TPR: variants seen among roughly 807,000 people sequenced by gnomAD.
TPR encodes the protein nucleoprotein TPR.
Under a neutral mutation model 316.1 loss-of-function variants are expected in TPR, and 51 were observed. The observed-to-expected ratio is 0.16, with a 90% CI of 0.13 to 0.20. The LOEUF is 0.20. Among genes scored for constraint, TPR ranks in the 10% least tolerant of loss-of-function variants. The pLI, the probability that TPR is intolerant of heterozygous loss-of-function variation, is 1.00. For missense variants in TPR, 2,272 were observed against 2,754.8 expected (o/e 0.82, Z 3.92); for synonymous variants, 981 against 914.7 (o/e 1.07, Z -1.31).
rs1300861626 is a variant in TPR at position 186,334,389 on chromosome 1, A to G, written c.5118T>C (p.Val1706=). Residue 1706 remains valine, a synonymous_variant, in exon 36 of 51, where the codon GTT becomes GTC. Transcript: ENST00000367478. ...CTGTTGGGGTAGTAGTGGGATTTGTAACAGTTGCAGGTGTAACCATTGGGC... is the reference window on the plus strand; with the variant it reads ...CTGTTGGGGTAGTAGTGGGATTTGTGACAGTTGCAGGTGTAACCATTGGGC... ...SIRPMVTPAT[V]TNPTTTPTAT... The G allele has an allele frequency of 1.2e-6, 2 of 1,613,554 alleles. No individual in the cohort carries two copies. Among genetic ancestry groups the G allele is most frequent in the South Asian group, 1.1e-5 (1 of 91,070 alleles).
chr1:186,342,532 T>G (rs1658540757), intron 27 of TPR: 1 of 152,230 alleles, frequency 6.6e-6, no homozygotes, highest in Non-Finnish European at 1.5e-5. Context: ...TGAGATACAT[T>G]TGAATTAAAC....
chr1:186,362,875 G>A lies in TPR; in HGVS notation c.658C>T (p.Leu220=), dbSNP rs1659237544. 4 of 1,604,460 alleles carry A rather than the reference G, an allele frequency of 2.5e-6. No individual in the cohort carries two copies. In the Admixed American group the frequency reaches 5.3e-5, roughly 21 times the overall value. The change falls in exon 6 of 51, where the codon CTA becomes TTA. Residue 220 remains leucine, a synonymous_variant. Coordinates refer to ENST00000367478, the MANE Select transcript of TPR (RefSeq NM_003292.3). The part of the protein sequence containing the change: ...ALGREKGNEI[L]ELKCNLENKK... ...TTTTCAAGATTACATTTAAGCTCTAGAATCTCATTCCCTTTTTCTCTTCCA... is the reference window on the plus strand; with the variant it reads ...TTTTCAAGATTACATTTAAGCTCTAAAATCTCATTCCCTTTTTCTCTTCCA...
At chr1:186,354,092 C>A (rs1399908479) in intron 17 of TPR, 2 of 367,192 alleles carry the variant, frequency 5.4e-6, no homozygotes, top group Non-Finnish European at 9.7e-6. Context: ...CCTCAAACAG[C>A]ATGCTTATGT....
Position 186,352,025 on chromosome 1 carries a change from G to C in TPR, c.2420C>G (p.Ala807Gly), listed in dbSNP as rs1658876996. The change falls in exon 19 of 51, where the codon GCT becomes GGT. Residue 807 changes from alanine (A) to glycine (G), a missense_variant. Physicochemically the swap from Ala to Gly is moderately conservative, Grantham distance 60 (BLOSUM62 0). This residue lies in a region of TPR where 757 missense variants were observed against 859.8 expected (regional missense o/e 0.88). Coordinates refer to ENST00000367478, the MANE Select transcript of TPR (RefSeq NM_003292.3). ...RLSQQRESLL[A>G]EQRGQNLLLT... is the part of the protein sequence containing the mutation. ...CAGTAAGTTTTGCCCCCTTTGTTCA[G>C]CTAACAAAGACTCTCTTTGCTGAGA... is the stretch of plus-strand genomic sequence containing the variant. The C allele has an allele frequency of 6.2e-7, 1 of 1,609,372 alleles. No individual in the cohort carries two copies. The highest frequency in any genetic ancestry group is 1.7e-4 in the Middle Eastern group (1 of 6,054).
At chr1:186,339,300 C>T (rs910356956) in intron 30 of TPR, among the ~76,000 whole-genome samples, 21 of 151,790 alleles carry the variant, frequency 1.4e-4, no homozygotes, top group Non-Finnish European at 2.6e-4. Context: ...GTAATAAAAC[C>T]CACTTCCCTT....
intron 46 of TPR, among the ~76,000 whole-genome samples, chr1:186,319,627 A>G (rs182974549): frequency 6.6e-6 from 1 of 152,298 alleles, no homozygotes; most frequent in African/African-American, 2.4e-5. Flanking sequence ...AAACAAGCAG[A>G]TGTTACATTA....
intron 18 of TPR, among the ~76,000 whole-genome samples, chr1:186,353,355 G>C (rs1158079036): frequency 1.3e-4 from 19 of 150,342 alleles, no homozygotes; most frequent in Admixed American, 1.1e-3. Context: ...CTGGGCGACA[G>C]AGTGAGACTC....
At chr1:186,372,878 A>G (rs1197724291) in intron 2 of TPR, among the ~76,000 whole-genome samples, 1 of 152,216 alleles carries the variant, frequency 6.6e-6, no homozygotes, top group Admixed American at 6.5e-5. Context: ...AGATTCATAG[A>G]TATTTATAAA....
At chr1:186,371,688 T>C (rs530381932) in intron 2 of TPR, among the ~76,000 whole-genome samples, 6 of 152,328 alleles carry the variant, frequency 3.9e-5, no homozygotes, top group Admixed American at 3.9e-4. Context: ...AAAATACATA[T>C]GTTGGCAATT....
intron 21 of TPR, 63 bp downstream of exon 21, chr1:186,350,160 A>T (rs1040856617): frequency 7.2e-7 from 1 of 1,381,088 alleles, no homozygotes. Flanking sequence ...CTGACAGGAT[A>T]TATTATAATC....
intron 2 of TPR, among the ~76,000 whole-genome samples, chr1:186,371,935 TC>T (rs2101994640): frequency 6.6e-6 from 1 of 152,270 alleles, no homozygotes; most frequent in East Asian, 1.9e-4. Flanking sequence ...TTTTCTCTTC[TC>T]CCAGATCTCG....
chr1:186,335,350 T>C lies in TPR; in HGVS notation c.4899A>G (p.Glu1633=), dbSNP rs1369009023. 1 of 1,613,428 alleles carries C rather than the reference T, an allele frequency of 6.2e-7. No homozygotes were observed. Among genetic ancestry groups the C allele is most frequent in the East Asian group, 2.2e-5 (1 of 44,870 alleles). ...ATTAGCTAATCACCTTATTAGAAGG[T>C]TCTTGAGGCTCATCTCTCTGCTCAA... is the stretch of plus-strand genomic sequence containing the variant. ...RHLEQRDEPQ[E]PSNKVPEQQR... Residue 1633 remains glutamate (E), a synonymous_variant, in exon 34 of 51, where the codon GAA becomes GAG. Coordinates refer to ENST00000367478, the MANE Select transcript of TPR (RefSeq NM_003292.3).
intron 24 of TPR, among the ~76,000 whole-genome samples, chr1:186,345,176 T>C (rs1286050142): frequency 1.3e-5 from 2 of 152,198 alleles, no homozygotes; most frequent in African/African-American, 2.4e-5. Context: ...AAATAGTATA[T>C]AGATATCTGC....
intron 49 of TPR, among the ~76,000 whole-genome samples, chr1:186,315,214 A>C (rs1657567497): frequency 6.8e-6 from 1 of 148,026 alleles, no homozygotes; most frequent in Non-Finnish European, 1.5e-5. Flanking sequence ...CTCAAAAAAA[A>C]AACAAACAAA....
In TPR at chr1:186,357,492, A is replaced by G. The variant is rs748588059; in HGVS notation, c.1629T>C (p.Ile543=). The change falls in exon 14 of 51, where the codon ATT becomes ATC. Residue 543 remains isoleucine, a synonymous_variant. Coordinates refer to ENST00000367478, the MANE Select transcript of TPR (RefSeq NM_003292.3). ...ISQHLVSYRN[I]EELQQQNQRL... ...GTTGATTTTGTTGTTGAAGCTCTTC[A>G]ATATTTCTGTAAGATACTAGATGCT... is the stretch of plus-strand genomic sequence containing the variant. The G allele has an allele frequency of 8.7e-6, 14 of 1,613,972 alleles. No individual in the cohort carries two copies. In the African/African-American group the frequency reaches 1.7e-4, roughly 20 times the overall value.
chr1:186,336,186 C>A (rs973339879), intron 33 of TPR, among the ~76,000 whole-genome samples: 2 of 152,036 alleles, frequency 1.3e-5, no homozygotes, highest in East Asian at 3.9e-4. Context: ...CTAGACAGCA[C>A]GGTCTGGGCT....
intron 31 of TPR, among the ~76,000 whole-genome samples, chr1:186,337,457 T>C (rs1049295961): frequency 3.3e-5 from 5 of 152,096 alleles, no homozygotes; most frequent in African/African-American, 9.7e-5. Flanking sequence ...AATATAAGCA[T>C]ATAATATTAT....
At chr1:186,320,234 T>TC (rs1657740487) in intron 46 of TPR, 78 bp downstream of exon 46, 3 of 1,209,778 alleles carry the variant, frequency 2.5e-6, no homozygotes, top group Non-Finnish European at 3.4e-6. Context: ...TTGCTCTTTT[T>TC]CCCCCCTTAA....
intron 40 of TPR, among the ~76,000 whole-genome samples, chr1:186,327,080 AATATATAAC>A (rs1657971767): frequency 4.9e-5 from 1 of 20,520 alleles, no homozygotes; most frequent in Non-Finnish European, 8.9e-5. Context: ...AATATATATA[AATATATAAC>A]ATATATATTA....
Sources: allele counts gnomAD v4.1 joint callset (sites outside exome capture counted in the v4.1 genomes callset), GRCh38; gene constraint gnomAD v4.1.1; regional missense constraint gnomAD v4.1.1; transcripts MANE v1.5; gene names NCBI Gene and HGNC (gene_info 2026-07-23, HGNC 2026-07-21).